SGK2: variants seen among roughly 807,000 people sequenced by gnomAD.
The protein encoded by SGK2 is serine/threonine-protein kinase Sgk2.
A neutral mutation model predicts 47.5 loss-of-function variants in SGK2; 36 were observed. The ratio of observed to expected loss-of-function variants is 0.76; its 90% CI spans 0.58 to 1.00. The LOEUF is 1.00. Ranked by LOEUF, SGK2 falls within the 50% of genes least tolerant of loss-of-function variation. The pLI is 0.00. For missense variants in SGK2, 404 were observed against 467.4 expected (o/e 0.86, Z 1.25); for synonymous variants, 157 against 181.9 (o/e 0.86, Z 1.10).
rs773579377 is a variant in SGK2, at chr20:43,576,523, A to G, written c.849+144A>G. On this transcript the variant is annotated intron_variant, in intron 11 of 12. Coordinates refer to ENST00000373100, the MANE Select transcript of SGK2 (RefSeq NM_170693.3). ...GTTCATTTGGAAATTCACTACTGCT[A>G]CTAGCTGACTACTTTCTCCAGTCTA... The G allele has an allele frequency of 1.7e-5, 11 of 651,174 alleles. 1 individual carries two copies. Among genetic ancestry groups the G allele is most frequent in the Non-Finnish European group, 2.9e-5 (11 of 382,940 alleles). 40.3% of individuals were successfully genotyped at this position (651,174 alleles called of 1,614,324 possible). A position where few individuals can be genotyped will look rare whatever the true frequency, so the allele number is the denominator to read the frequency against.
At position 43,585,462 on chromosome 20, in the gene SGK2, C is replaced by A. The variant is rs1166461475; in HGVS notation, c.*446C>A. The A allele has an allele frequency of 6.4e-6, 1 of 155,554 alleles. No individual in the cohort carries two copies. The highest frequency in any genetic ancestry group is 1.4e-5 in the Non-Finnish European group (1 of 69,986). The allele number at this position is 155,554 out of a possible 1,614,324, so 9.6% of individuals were successfully genotyped here. A position where few individuals can be genotyped will look rare whatever the true frequency, so the allele number is the denominator to read the frequency against. On this transcript the variant is annotated 3_prime_UTR_variant, in exon 13 of 13. Transcript: ENST00000373100. ...CTTATTTGCTGGGTACGTGACTATC[C>A]CTAATAACAAAGGGGTTCTGACACT...
chr20:43,568,425 C>T (rs1428187842), intron 5 of SGK2, among the ~76,000 whole-genome samples: 1 of 152,242 alleles, frequency 6.6e-6, no homozygotes, highest in African/African-American at 2.4e-5. Context: ...ATCCTCCCGC[C>T]TCAGCCTCCC....
chr20:43,575,841 C>T (rs1347035725), intron 10 of SGK2, among the ~76,000 whole-genome samples: 1 of 152,174 alleles, frequency 6.6e-6, no homozygotes, highest in Non-Finnish European at 1.5e-5. Flanking sequence ...TGGGGCCTGG[C>T]TGTCTTCCTA....
chr20:43,567,289 T>C (rs1448693169), intron 3 of SGK2, among the ~76,000 whole-genome samples, 172 bp downstream of exon 3: 1 of 152,242 alleles, frequency 6.6e-6, no homozygotes. Context: ...CCTCTGCCCA[T>C]GCTGAACCCT....
At chr20:43,566,670 T>A in intron 2 of SGK2, 139 bp downstream of exon 2, 1 of 623,734 alleles carries the variant, frequency 1.6e-6, no homozygotes, top group Non-Finnish European at 2.8e-6. Context: ...GCAGGGTGAA[T>A]AGAGTAGAGA....
chr20:43,569,210 GA>G (rs1979941688), intron 5 of SGK2, among the ~76,000 whole-genome samples, 174 bp from the exon 6 acceptor site: 1 of 152,106 alleles, frequency 6.6e-6, no homozygotes, highest in Admixed American at 6.5e-5. Flanking sequence ...GAATACTAAG[GA>G]AGGAACTTGG....
chr20:43,579,381 G>A (rs180765379), intron 11 of SGK2, among the ~76,000 whole-genome samples: 112 of 152,184 alleles, frequency 7.4e-4, no homozygotes, highest in Non-Finnish European at 4.1e-4. Flanking sequence ...ATAGGGAGGT[G>A]GAGAATAATT....
chr20:43,584,718 A>C, intron 12 of SGK2, 134 bp from the exon 13 acceptor site: 1 of 692,182 alleles, frequency 1.4e-6, no homozygotes, highest in Non-Finnish European at 2.5e-6. Context: ...ATGCACAGGA[A>C]AGTGACAGTC....
At chr20:43,571,327 T>C (rs1390765563) in intron 8 of SGK2, among the ~76,000 whole-genome samples, 1 of 152,146 alleles carries the variant, frequency 6.6e-6, no homozygotes, top group Non-Finnish European at 1.5e-5. Context: ...GGAGTTTGTC[T>C]TAGACTGGGC....
chr20:43,568,300 A>T (rs752444648), intron 5 of SGK2, among the ~76,000 whole-genome samples: 2 of 152,162 alleles, frequency 1.3e-5, no homozygotes, highest in Non-Finnish European at 2.9e-5. Flanking sequence ...CCATCTGTAT[A>T]ATGTGGAGCC....
chr20:43,563,135 C>CAAAAAAAAAAAA (rs796539305), intron 1 of SGK2, among the ~76,000 whole-genome samples: 4,100 of 69,446 alleles, frequency 0.059, 151 homozygotes, highest in African/African-American at 0.13. Flanking sequence ...GACTCTGTCT[C>CAAAAAAAAAAAA]AAAAAAAAAA....
chr20:43,566,907 G>GGAGA (rs1979759749), intron 2 of SGK2, among the ~76,000 whole-genome samples, 161 bp from the exon 3 acceptor site: 1 of 142,358 alleles, frequency 7.0e-6, no homozygotes, highest in Non-Finnish European at 1.5e-5. Context: ...AAGGAGGGAG[G>GGAGA]GAGGGAGGGA....
At chr20:43,573,810 C>T (rs906770707) in intron 9 of SGK2, among the ~76,000 whole-genome samples, 5 of 152,148 alleles carry the variant, frequency 3.3e-5, no homozygotes, top group African/African-American at 1.2e-4. Flanking sequence ...CTGGATAAAG[C>T]CAGCGCCCCA....
At chr20:43,568,779 G>A (rs1979902678) in intron 5 of SGK2, among the ~76,000 whole-genome samples, 2 of 152,198 alleles carry the variant, frequency 1.3e-5, no homozygotes, top group African/African-American at 4.8e-5. Flanking sequence ...CCCCATCATG[G>A]ATTTCTTGAT....
chr20:43,567,011 G>T (rs1979771480), intron 2 of SGK2, 57 bp from the exon 3 acceptor site: 1 of 1,430,584 alleles, frequency 7.0e-7, no homozygotes, highest in Non-Finnish European at 9.9e-7. Flanking sequence ...TGGGCCAGGA[G>T]AAAGGGAGGT....
intron 8 of SGK2, among the ~76,000 whole-genome samples, chr20:43,571,782 G>T (rs113546870): frequency 0.01 from 1,581 of 152,272 alleles, 32 homozygotes; most frequent in African/African-American, 0.036. Context: ...CTGTCTAGGG[G>T]TTTTCTGTCC....
intron 11 of SGK2, 73 bp downstream of exon 11, chr20:43,576,452 A>G (rs1980470562): frequency 1.5e-6 from 2 of 1,301,660 alleles, no homozygotes; most frequent in Non-Finnish European, 2.2e-6. Context: ...TCAGAAGCAC[A>G]TTAACACGCA....
intron 5 of SGK2, among the ~76,000 whole-genome samples, chr20:43,568,809 C>T (rs1375011175): frequency 6.6e-6 from 1 of 152,150 alleles, no homozygotes; most frequent in Non-Finnish European, 1.5e-5. Flanking sequence ...GACCTGAGTT[C>T]CTTTAACACC....
intron 11 of SGK2, among the ~76,000 whole-genome samples, chr20:43,578,503 G>T (rs559120116): frequency 2.0e-5 from 3 of 152,044 alleles, no homozygotes; most frequent in African/African-American, 7.2e-5. Context: ...AAAAAAAGAT[G>T]AATGGACTAT....
Sources: allele counts gnomAD v4.1 joint callset (sites outside exome capture counted in the v4.1 genomes callset), GRCh38; gene constraint gnomAD v4.1.1; transcripts MANE v1.5; gene names NCBI Gene and HGNC (gene_info 2026-07-23, HGNC 2026-07-21).